Variants in MACROD2 observed in about 807,000 individuals in gnomAD.
MACROD2 encodes ADP-ribose glycohydrolase MACROD2.
MACROD2 carries 36 observed loss-of-function variants against 70.4 expected under a neutral mutation model. That is an observed-to-expected ratio of 0.51 (90% CI 0.39 to 0.68). The LOEUF is 0.68. MACROD2 is among the 30% of genes least tolerant of loss of function. MACROD2 has a pLI of 0.00. For synonymous variants in MACROD2, 172 were observed against 178.8 expected, an observed-to-expected ratio of 0.96 and a Z score of 0.30; for missense variants, 496 against 538.4, an observed-to-expected ratio of 0.92 and a Z score of 0.78.
At chr20:15,771,780 A>G (rs985215530) in intron 8 of MACROD2, among the ~76,000 whole-genome samples, 2 of 151,860 alleles carry the variant, frequency 1.3e-5, no homozygotes, top group Non-Finnish European at 2.9e-5. Flanking sequence ...TTACACATCT[A>G]AGATAGTTTT....
At chr20:15,570,752 C>T (rs530059567) in intron 8 of MACROD2, among the ~76,000 whole-genome samples, 1 of 152,124 alleles carries the variant, frequency 6.6e-6, no homozygotes, top group Non-Finnish European at 1.5e-5. Context: ...CTCAAAAATC[C>T]TCAGATTCAC....
intron 2 of MACROD2, chr20:14,003,395 C>T (rs564032174): frequency 5.5e-5 from 9 of 163,716 alleles, no homozygotes; most frequent in South Asian, 3.2e-4. Flanking sequence ...TTAGACCTTA[C>T]GTAGCCTGGA....
intron 6 of MACROD2, among the ~76,000 whole-genome samples, chr20:15,258,046 A>T (rs1347205659): frequency 6.6e-6 from 1 of 151,524 alleles, no homozygotes; most frequent in African/African-American, 2.4e-5. Context: ...CAAAAGTTTA[A>T]AAAAAAAGGT....
At chr20:14,376,692 A>G (rs975165804) in intron 3 of MACROD2, among the ~76,000 whole-genome samples, 11 of 151,546 alleles carry the variant, frequency 7.3e-5, no homozygotes, top group South Asian at 2.1e-4. Context: ...TGATGCTGCA[A>G]TGAGCTATGA....
intron 5 of MACROD2, among the ~76,000 whole-genome samples, chr20:15,042,231 A>G (rs1158158041): frequency 6.6e-6 from 1 of 152,202 alleles, no homozygotes; most frequent in African/African-American, 2.4e-5. Flanking sequence ...TGACTGGAAA[A>G]GGGGAAAATG....
intron 3 of MACROD2, among the ~76,000 whole-genome samples, chr20:14,133,735 G>C (rs1484201558): frequency 6.6e-6 from 1 of 152,158 alleles, no homozygotes; most frequent in African/African-American, 2.4e-5. Context: ...TCATATATCT[G>C]TATTTTGCAT....
chr20:14,185,921 A>AT (rs914042328), intron 3 of MACROD2, among the ~76,000 whole-genome samples: 2 of 151,922 alleles, frequency 1.3e-5, no homozygotes, highest in African/African-American at 4.8e-5. Context: ...ATCTGCAGGT[A>AT]TTTTTTTTGA....
At chr20:15,032,884 A>G (rs987310208) in intron 5 of MACROD2, among the ~76,000 whole-genome samples, 2 of 152,248 alleles carry the variant, frequency 1.3e-5, no homozygotes, top group Non-Finnish European at 2.9e-5. Flanking sequence ...AAGACAGAAC[A>G]TCATTCAGTT....
chr20:15,236,031 A>G (rs1601279293), intron 6 of MACROD2, among the ~76,000 whole-genome samples: 1 of 152,238 alleles, frequency 6.6e-6, no homozygotes, highest in East Asian at 1.9e-4. Context: ...ACTATTAATA[A>G]GTAACAAGAA....
intron 5 of MACROD2, among the ~76,000 whole-genome samples, chr20:14,712,544 T>C (rs1211309448): frequency 6.6e-6 from 1 of 152,196 alleles, no homozygotes; most frequent in East Asian, 1.9e-4. Context: ...GAAGCTGATA[T>C]CAGATGAGGG....
chr20:14,003,558 T>C, intron 2 of MACROD2: 1 of 363,318 alleles, frequency 2.8e-6, no homozygotes, highest in Admixed American at 3.3e-5. Flanking sequence ...TCCAAACTGA[T>C]AAGATTGGCC....
At chr20:15,214,876 T>C (rs2076795775) in intron 5 of MACROD2, among the ~76,000 whole-genome samples, 1 of 152,200 alleles carries the variant, frequency 6.6e-6, no homozygotes, top group Admixed American at 6.5e-5. Flanking sequence ...AAGGATGCTT[T>C]GGAAAGTAAC....
At chr20:16,016,183 G>C (rs1225919776) in intron 15 of MACROD2, among the ~76,000 whole-genome samples, 2 of 152,092 alleles carry the variant, frequency 1.3e-5, no homozygotes, top group Non-Finnish European at 2.9e-5. Context: ...ACACTATCAG[G>C]TTACTTGATT....
chr20:15,564,778 C>G (rs533565283), intron 8 of MACROD2, among the ~76,000 whole-genome samples: 1 of 152,220 alleles, frequency 6.6e-6, no homozygotes, highest in African/African-American at 2.4e-5. Context: ...GAACATTTTT[C>G]CCATATGCTT....
chr20:14,019,938 C>T (rs1052066133), intron 2 of MACROD2, among the ~76,000 whole-genome samples: 3 of 151,946 alleles, frequency 2.0e-5, no homozygotes, highest in African/African-American at 7.3e-5. Context: ...TGGTGGATGG[C>T]CTTTTATTAG....
At chr20:15,836,961 T>C (rs2064121103) in intron 8 of MACROD2, among the ~76,000 whole-genome samples, 1 of 152,198 alleles carries the variant, frequency 6.6e-6, no homozygotes, top group Non-Finnish European at 1.5e-5. Flanking sequence ...GGCCTTTGGA[T>C]GTCTTCTTGA....
chr20:15,186,729 A>T (rs970893115), intron 5 of MACROD2, among the ~76,000 whole-genome samples: 1 of 152,180 alleles, frequency 6.6e-6, no homozygotes, highest in African/African-American at 2.4e-5. Flanking sequence ...TCAATGATGA[A>T]TGTAGTCCTT....
At chr20:14,834,809 C>G (rs1211832938) in intron 5 of MACROD2, among the ~76,000 whole-genome samples, 1 of 151,694 alleles carries the variant, frequency 6.6e-6, no homozygotes, top group Non-Finnish European at 1.5e-5. Context: ...TAAATTATTC[C>G]TCTCTTTTCA....
At chr20:14,516,106 C>T (rs2085097466) in intron 4 of MACROD2, among the ~76,000 whole-genome samples, 1 of 150,136 alleles carries the variant, frequency 6.7e-6, no homozygotes, top group African/African-American at 2.4e-5. Flanking sequence ...AGAAATTTAC[C>T]TAGAGAGCAA....
Sources: gnomAD v4.1 joint callset for allele counts (sites outside exome capture counted in the v4.1 genomes callset) on GRCh38, gnomAD v4.1.1 for gene constraint, MANE v1.5 for transcripts, NCBI Gene and HGNC (gene_info 2026-07-23, HGNC 2026-07-21) for gene names.